SRGAP3: variants seen among roughly 807,000 people sequenced by gnomAD.
SRGAP3 encodes the protein SLIT-ROBO Rho GTPase activating protein 3.
In SRGAP3, 39 loss-of-function variants were observed where a neutral mutation model predicts 121.1. That is an observed-to-expected ratio of 0.32 (90% CI 0.25 to 0.42). The LOEUF is 0.42. Among genes scored for constraint, SRGAP3 ranks in the 10% least tolerant of loss-of-function variants. The pLI is 1.00. For missense variants in SRGAP3, 1,213 were observed against 1,470.6 expected (o/e 0.82, Z 2.86); for synonymous variants, 601 against 570.0 (o/e 1.05, Z -0.77).
chr3:9,027,487 A>G (rs1944275544), intron 12 of SRGAP3, among the ~76,000 whole-genome samples: 1 of 152,198 alleles, frequency 6.6e-6, no homozygotes, highest in Non-Finnish European at 1.5e-5. Context: ...TTTGAGCTCT[A>G]AGAAAAGAAG....
chr3:9,051,815 C>T (rs1945593032), intron 9 of SRGAP3, among the ~76,000 whole-genome samples: 1 of 148,602 alleles, frequency 6.7e-6, no homozygotes, highest in African/African-American at 2.5e-5. Context: ...CAGGTTCAAG[C>T]AATTCTCCTG....
chr3:9,141,642 T>C (rs1206992433), intron 1 of SRGAP3, among the ~76,000 whole-genome samples: 1 of 151,004 alleles, frequency 6.6e-6, no homozygotes, highest in Non-Finnish European at 1.5e-5. Flanking sequence ...GCAAAGATTT[T>C]CAAAGCAAAT....
chr3:9,111,916 G>A (rs1382760717), intron 2 of SRGAP3, among the ~76,000 whole-genome samples: 3 of 152,248 alleles, frequency 2.0e-5, no homozygotes, highest in Non-Finnish European at 4.4e-5. Flanking sequence ...TTTTGCATAT[G>A]TATGTATCTA....
At chr3:9,076,953 A>C (rs911291443) in intron 4 of SRGAP3, among the ~76,000 whole-genome samples, 1 of 151,340 alleles carries the variant, frequency 6.6e-6, no homozygotes, top group African/African-American at 2.4e-5. Flanking sequence ...TTCACACACT[A>C]CTCTTTTTAT....
chr3:9,220,002 G>A (rs544229725), intron 1 of SRGAP3, among the ~76,000 whole-genome samples: 3 of 152,264 alleles, frequency 2.0e-5, no homozygotes, highest in South Asian at 4.1e-4. Flanking sequence ...GGAGGTAGAA[G>A]GTAGACTGAT....
At chr3:9,166,473 C>G (rs1473794773) in intron 1 of SRGAP3, among the ~76,000 whole-genome samples, 153 of 152,226 alleles carry the variant, frequency 1.0e-3, no homozygotes, top group African/African-American at 3.6e-3. Context: ...TAAGGATGCC[C>G]ATGTGACTAA....
chr3:9,359,025 T>C (rs1397249762), intron 1 of SRGAP3, among the ~76,000 whole-genome samples: 1 of 152,148 alleles, frequency 6.6e-6, no homozygotes, highest in African/African-American at 2.4e-5. Context: ...TAACACCATC[T>C]TGAGGTTACA....
intron 4 of SRGAP3, among the ~76,000 whole-genome samples, chr3:9,068,016 C>A (rs1946510905): frequency 6.6e-6 from 1 of 152,138 alleles, no homozygotes; most frequent in Non-Finnish European, 1.5e-5. Flanking sequence ...AGGACCCCAC[C>A]TTCCCCCTTC....
chr3:9,270,885 G>A (rs1954462229), intron 3 of SRGAP3, among the ~76,000 whole-genome samples: 1 of 151,942 alleles, frequency 6.6e-6, no homozygotes, highest in African/African-American at 2.4e-5. Context: ...CCTTACCTCT[G>A]GTACCAATAA....
intron 3 of SRGAP3, among the ~76,000 whole-genome samples, chr3:9,312,092 C>T (rs1164565398): frequency 3.3e-5 from 5 of 152,160 alleles, no homozygotes; most frequent in Non-Finnish European, 5.9e-5. Flanking sequence ...TCTTTCATTA[C>T]TCTGAAAAAC....
At chr3:9,079,557 G>A (rs1182610855) in intron 4 of SRGAP3, among the ~76,000 whole-genome samples, 1 of 152,194 alleles carries the variant, frequency 6.6e-6, no homozygotes, top group South Asian at 2.1e-4. Context: ...GACCTCCCGT[G>A]ATCCTCGGAA....
chr3:9,317,876 G>A (rs1363293422), intron 3 of SRGAP3, among the ~76,000 whole-genome samples: 1 of 152,122 alleles, frequency 6.6e-6, no homozygotes, highest in African/African-American at 2.4e-5. Context: ...ATATTCAAAG[G>A]CTCAACAACA....
At chr3:9,247,870 G>A (rs906705366) in intron 1 of SRGAP3, among the ~76,000 whole-genome samples, 2 of 152,236 alleles carry the variant, frequency 1.3e-5, no homozygotes, top group African/African-American at 2.4e-5. Flanking sequence ...AGAGAAAGGA[G>A]GAGCCTGCTG....
chr3:9,191,853 G>A (rs565568187), intron 1 of SRGAP3, among the ~76,000 whole-genome samples: 1 of 152,254 alleles, frequency 6.6e-6, no homozygotes, highest in South Asian at 2.1e-4. Context: ...GTTCTTGTGA[G>A]TTCTGGTTAT....
intron 9 of SRGAP3, among the ~76,000 whole-genome samples, chr3:9,050,742 A>G (rs552163989): frequency 7.4e-4 from 113 of 152,332 alleles, no homozygotes; most frequent in Middle Eastern, 3.4e-3. Flanking sequence ...ATTAATCTTC[A>G]TGTGCATGTT....
At chr3:9,126,402 C>T (rs530294347) in intron 1 of SRGAP3, among the ~76,000 whole-genome samples, 68 of 152,232 alleles carry the variant, frequency 4.5e-4, no homozygotes, top group Non-Finnish European at 8.2e-4. Flanking sequence ...GAGGCCGAGG[C>T]GGGTGGATCA....
rs1346595731 is a variant in SRGAP3 at position 9,249,455 on chromosome 3, T to C, written c.-504A>G. The stretch of plus-strand genomic sequence containing the variant: ...GAGAGGCGCGGCGCCTCTTTGGTCG[T>C]GCAGCCAGCCCCTGGCTTGCTTTTG... On this transcript the variant is annotated 5_prime_UTR_variant, in exon 1 of 22. Transcript: ENST00000383836. 1.2e-5 allele frequency: 3 copies of C among 249,206 alleles called. No individual in the cohort carries two copies. The highest frequency in any genetic ancestry group is 2.4e-5 in the Non-Finnish European group (3 of 127,022). The allele number at this position is 249,206 out of a possible 1,614,324, so 15.4% of individuals were successfully genotyped here.
In SRGAP3 at chr3:9,169,949, G is replaced by A. The variant is rs1284342822; in HGVS notation, c.68-45032C>T. Among the ~76,000 whole-genome samples, 4 of 152,156 alleles carry A rather than the reference G, an allele frequency of 2.6e-5. No individual in the cohort carries two copies. In the East Asian group the frequency reaches 7.7e-4, roughly 29 times the overall value. On this transcript the variant is annotated intron_variant, in intron 1 of 21. Coordinates refer to ENST00000383836, the MANE Select transcript of SRGAP3 (RefSeq NM_014850.4). ...CAGTTTCCTCTCCTGTAAAATGAAGGGGGCTGGGTTGGAGTTTCTTCCAAC... is the reference window on the plus strand; with the variant it reads ...CAGTTTCCTCTCCTGTAAAATGAAGAGGGCTGGGTTGGAGTTTCTTCCAAC...
chr3:9,124,955 T>G (rs767986445), intron 1 of SRGAP3, 38 bp from the exon 2 acceptor site: 8 of 1,612,298 alleles, frequency 5.0e-6, no homozygotes, highest in Middle Eastern at 3.8e-4. Flanking sequence ...AGACTGGTGG[T>G]GGGGACGGGG....
Sources: gnomAD v4.1 joint callset for allele counts (sites outside exome capture counted in the v4.1 genomes callset) on GRCh38, gnomAD v4.1.1 for gene constraint, MANE v1.5 for transcripts, NCBI Gene and HGNC (gene_info 2026-07-23, HGNC 2026-07-21) for gene names.